Variants in GPC5 observed in about 807,000 individuals in gnomAD.
The protein encoded by GPC5 is glypican 5, also known as glypican-5.
Under a neutral mutation model 53.9 loss-of-function variants are expected in GPC5, and 47 were observed. The ratio of observed to expected loss-of-function variants is 0.87; its 90% confidence interval spans 0.69 to 1.11. The LOEUF (loss-of-function observed/expected upper bound fraction) is 1.11. Among genes scored for constraint, GPC5 ranks in the 50% most tolerant of loss-of-function variants. The pLI, the probability that GPC5 is intolerant of heterozygous loss-of-function variation, is 0.00. For synonymous variants in GPC5, 286 were observed against 263.3 expected, an observed-to-expected ratio of 1.09 and a Z score of -0.84; for missense variants, 748 against 713.1, an observed-to-expected ratio of 1.05 and a Z score of -0.56.
At chr13:91,460,028 A>G (rs1309619039) in intron 2 of GPC5, among the ~76,000 whole-genome samples, 1 of 152,184 alleles carries the variant, frequency 6.6e-6, no homozygotes, top group Non-Finnish European at 1.5e-5. Flanking sequence ...ATATGATGAA[A>G]ATCATGAGTT....
intron 5 of GPC5, among the ~76,000 whole-genome samples, chr13:91,834,694 T>C (rs1302329409): frequency 1.3e-5 from 2 of 152,212 alleles, no homozygotes; most frequent in South Asian, 2.1e-4. Flanking sequence ...GCTAGCCATA[T>C]GCAGAAAACT....
chr13:92,673,934 T>TA (rs978639056), intron 7 of GPC5, among the ~76,000 whole-genome samples: 2 of 152,114 alleles, frequency 1.3e-5, no homozygotes, highest in Non-Finnish European at 2.9e-5. Flanking sequence ...TTTTCAATTG[T>TA]AAAAAAATGT....
chr13:91,556,077 C>T (rs2030931345), intron 2 of GPC5, among the ~76,000 whole-genome samples: 1 of 151,960 alleles, frequency 6.6e-6, no homozygotes, highest in African/African-American at 2.4e-5. Context: ...TACCCCTATC[C>T]CTTCCACCAC....
chr13:92,494,379 G>A (rs1169931246), intron 7 of GPC5, among the ~76,000 whole-genome samples: 5 of 152,270 alleles, frequency 3.3e-5, no homozygotes, highest in Admixed American at 1.3e-4. Flanking sequence ...GTGAGCCACC[G>A]CGCCTGGCCA....
At chr13:92,218,618 C>T (rs758925685) in intron 7 of GPC5, among the ~76,000 whole-genome samples, 1 of 152,114 alleles carries the variant, frequency 6.6e-6, no homozygotes, top group African/African-American at 2.4e-5. Flanking sequence ...CCTTAAAGGT[C>T]CATAAAAATC....
At chr13:91,425,345 T>C (rs1489417673) in intron 1 of GPC5, among the ~76,000 whole-genome samples, 1 of 152,224 alleles carries the variant, frequency 6.6e-6, no homozygotes, top group East Asian at 1.9e-4. Context: ...GTGTGTGATA[T>C]GGTTAGGCTT....
intron 7 of GPC5, among the ~76,000 whole-genome samples, chr13:92,811,476 T>C (rs1036925360): frequency 7.9e-5 from 12 of 152,026 alleles, no homozygotes; most frequent in African/African-American, 2.9e-4. Context: ...GGCTGTTCTG[T>C]TGATACTGAG....
rs1446339623 is a variant in GPC5 at position 92,368,740 on chromosome 13, G to T, written c.1561+223751G>T. On this transcript the variant is annotated intron_variant, in intron 7 of 7. Transcript: ENST00000377067. The stretch of plus-strand genomic sequence containing the variant: ...ATGAAATTTGTGATAGTTTTGAATA[G>T]TACATGTGCAAAATACAACTCAAAC... Among the ~76,000 whole-genome samples the T allele has an allele frequency of 2.0e-5, 3 of 147,800 alleles. No individual in the cohort carries two copies. The East Asian group carries it at 6.2e-4, about 30-fold the overall frequency.
chr13:92,218,759 T>A (rs544185612), intron 7 of GPC5, among the ~76,000 whole-genome samples: 1 of 152,334 alleles, frequency 6.6e-6, no homozygotes, highest in East Asian at 1.9e-4. Context: ...GATTCACAGA[T>A]AACGGCTGAA....
chr13:92,306,962 T>G (rs1293418467), intron 7 of GPC5, among the ~76,000 whole-genome samples: 2 of 152,190 alleles, frequency 1.3e-5, no homozygotes, highest in Non-Finnish European at 2.9e-5. Context: ...CATTAGCGTC[T>G]TTAATTAATT....
chr13:92,577,157 C>T (rs1417042520), intron 7 of GPC5, among the ~76,000 whole-genome samples: 2 of 152,144 alleles, frequency 1.3e-5, no homozygotes, highest in African/African-American at 4.8e-5. Context: ...TTCAAATCCA[C>T]ATCCTATCTG....
chr13:92,681,606 A>T (rs1294930562), intron 7 of GPC5, among the ~76,000 whole-genome samples: 1 of 152,152 alleles, frequency 6.6e-6, no homozygotes, highest in East Asian at 1.9e-4. Flanking sequence ...CTCATGATAA[A>T]TTCTAAACTC....
At chr13:92,147,580 A>G (rs538887185) in intron 7 of GPC5, among the ~76,000 whole-genome samples, 37 of 152,200 alleles carry the variant, frequency 2.4e-4, no homozygotes, top group African/African-American at 8.7e-4. Flanking sequence ...TATACTTGAC[A>G]AGTTGACAAA....
chr13:91,901,193 C>T (rs2039494141), intron 5 of GPC5, among the ~76,000 whole-genome samples: 1 of 151,772 alleles, frequency 6.6e-6, no homozygotes, highest in Non-Finnish European at 1.5e-5. Context: ...TCCTTAATTC[C>T]ATTTATTTTG....
At chr13:92,425,644 G>C (rs1876798168) in intron 7 of GPC5, among the ~76,000 whole-genome samples, 1 of 151,906 alleles carries the variant, frequency 6.6e-6, no homozygotes, top group Admixed American at 6.6e-5. Flanking sequence ...GATTATCTTT[G>C]GGCTTCCTTC....
At chr13:92,701,057 T>G (rs1248733237) in intron 7 of GPC5, among the ~76,000 whole-genome samples, 1 of 152,094 alleles carries the variant, frequency 6.6e-6, no homozygotes, top group Non-Finnish European at 1.5e-5. Context: ...GACTTTGACA[T>G]CATGCTAAAT....
chr13:92,163,529 A>G (rs2042006241), intron 7 of GPC5, among the ~76,000 whole-genome samples: 1 of 151,876 alleles, frequency 6.6e-6, no homozygotes. Flanking sequence ...ATTAATGAGA[A>G]TTTCTACTGA....
At chr13:92,778,966 T>TATAC (rs1555312117) in intron 7 of GPC5, among the ~76,000 whole-genome samples, 30 of 149,414 alleles carry the variant, frequency 2.0e-4, no homozygotes, top group East Asian at 1.0e-3. Flanking sequence ...GTGCAAGATA[T>TATAC]ACACACACAC....
chr13:92,185,595 T>C (rs1043632046), intron 7 of GPC5, among the ~76,000 whole-genome samples: 3 of 152,172 alleles, frequency 2.0e-5, no homozygotes, highest in Non-Finnish European at 2.9e-5. Context: ...CCAGACCTAT[T>C]TGAGCTCACA....
Sources: allele counts gnomAD v4.1 joint callset (sites outside exome capture counted in the v4.1 genomes callset), GRCh38; gene constraint gnomAD v4.1.1; transcripts MANE v1.5; gene names NCBI Gene and HGNC (gene_info 2026-07-23, HGNC 2026-07-21).